DCAF10: variants seen among roughly 807,000 people sequenced by gnomAD.
The protein encoded by DCAF10 is DDB1 and CUL4 associated factor 10.
DCAF10 carries 19 observed loss-of-function variants against 51.9 expected under a neutral mutation model. That is an observed-to-expected ratio of 0.37 (90% CI 0.26 to 0.54). The LOEUF is 0.54. DCAF10 is among the 20% of genes least tolerant of loss of function. The probability of loss-of-function intolerance (pLI) is 0.87; values close to 1 mark genes in which losing one functional copy is unlikely to be tolerated. For missense variants in DCAF10, 510 were observed against 730.6 expected (o/e 0.70, Z 3.48); for synonymous variants, 291 against 297.1 (o/e 0.98, Z 0.21).
chr9:37,859,546 T>A (rs1264441462), intron 5 of DCAF10, among the ~76,000 whole-genome samples: 2 of 152,168 alleles, frequency 1.3e-5, no homozygotes, highest in African/African-American at 4.8e-5. Flanking sequence ...TTATTTTTTG[T>A]TTATAGTGTT....
rs1026402183 is a variant in DCAF10 at position 37,809,666 on chromosome 9, C to G, written c.539+8261C>G. Among the ~76,000 whole-genome samples the G allele has an allele frequency of 4.1e-5, 6 of 147,448 alleles. No individual in the cohort carries two copies. In the Admixed American group the frequency reaches 4.1e-4, roughly 10 times the overall value. Reference sequence around the variant, plus strand: ...CTGGCTAACAGGCGAAGCCCTGACTCTACTCAAAATAAAAAAATTAGCCAG... The same window carrying G: ...CTGGCTAACAGGCGAAGCCCTGACTGTACTCAAAATAAAAAAATTAGCCAG... On this transcript the variant is annotated intron_variant, in intron 1 of 6. Coordinates refer to ENST00000377724, the MANE Select transcript of DCAF10 (RefSeq NM_024345.5).
rs1828895114 is a variant in DCAF10, at chr9:37,800,824, C to T, written c.-43C>T. ...CTGAACAGGGGCACTGAGGTGTCGG[C>T]CGGCGGGGCAGTGGCCCGGAGCGGG... is the stretch of plus-strand genomic sequence containing the variant. On this transcript the variant is annotated 5_prime_UTR_variant, in exon 1 of 7. Coordinates refer to ENST00000377724, the MANE Select transcript of DCAF10 (RefSeq NM_024345.5). 1 of 1,490,714 alleles carries T rather than the reference C, an allele frequency of 6.7e-7. No individual in the cohort carries two copies. Among genetic ancestry groups the T allele is most frequent in the Non-Finnish European group, 8.9e-7 (1 of 1,126,164 alleles). The allele number at this position is 1,490,714 out of a possible 1,614,324, so 92.3% of individuals were successfully genotyped here.
intron 3 of DCAF10, among the ~76,000 whole-genome samples, chr9:37,845,847 A>T (rs1056337074): frequency 1.3e-5 from 2 of 152,222 alleles, no homozygotes; most frequent in Admixed American, 6.5e-5. Flanking sequence ...CCTCTGCCAC[A>T]GCCATTAAAG....
chr9:37,830,044 T>C lies in DCAF10; in HGVS notation c.653+10643T>C, dbSNP rs563780930. Among the ~76,000 whole-genome samples, 188 of 152,214 alleles carry C rather than the reference T, an allele frequency of 1.2e-3. 1 individual carries two copies. Among genetic ancestry groups the C allele is most frequent in the Middle Eastern group, 3.4e-3 (1 of 294 alleles). ...AAGAAGAAAGAAATTAATGCATATG[T>C]GGACACGGAGGTATATGAAGAAGAT... On this transcript the variant is annotated intron_variant, in intron 2 of 6. Coordinates refer to ENST00000377724, the MANE Select transcript of DCAF10 (RefSeq NM_024345.5).
intron 2 of DCAF10, among the ~76,000 whole-genome samples, chr9:37,839,386 A>T (rs1830268374): frequency 6.6e-6 from 1 of 151,952 alleles, no homozygotes; most frequent in Non-Finnish European, 1.5e-5. Context: ...AAATATTTTC[A>T]GTAGAAATGT....
intron 3 of DCAF10, among the ~76,000 whole-genome samples, chr9:37,852,930 T>TTTTA (rs1486538659): frequency 1.1e-4 from 12 of 109,818 alleles, no homozygotes; most frequent in Non-Finnish European, 1.6e-4. Flanking sequence ...GTATGTGAGG[T>TTTTA]TATATATATA....
chr9:37,837,331 TGCCTGTAA>T (rs1830195623), intron 2 of DCAF10, among the ~76,000 whole-genome samples: 1 of 151,698 alleles, frequency 6.6e-6, no homozygotes, highest in East Asian at 1.9e-4. Context: ...TGGTGGCACG[TGCCTGTAA>T]TCCCAGCTAC....
At chr9:37,814,301 C>CTTT (rs61692599) in intron 1 of DCAF10, among the ~76,000 whole-genome samples, 55 of 101,022 alleles carry the variant, frequency 5.4e-4, no homozygotes, top group Non-Finnish European at 8.3e-4. Flanking sequence ...ACCACGCCGG[C>CTTT]TTTTTTTTTT....
intron 3 of DCAF10, among the ~76,000 whole-genome samples, chr9:37,854,362 T>C (rs1379323015): frequency 6.6e-6 from 1 of 152,086 alleles, no homozygotes; most frequent in Non-Finnish European, 1.5e-5. Flanking sequence ...CCTGCCTTGG[T>C]CTCTCAAAGT....
intron 3 of DCAF10, among the ~76,000 whole-genome samples, chr9:37,849,440 A>C (rs941105777): frequency 6.6e-6 from 1 of 152,176 alleles, no homozygotes; most frequent in African/African-American, 2.4e-5. Context: ...GTGTTTATAC[A>C]AACTTTCTTT....
rs778395372 is a variant in DCAF10, at chr9:37,860,109, C to T, written c.1227C>T (p.His409=). 36 of 1,613,986 alleles carry T rather than the reference C, an allele frequency of 2.2e-5. 1 individual carries two copies. Among genetic ancestry groups the T allele is most frequent in the South Asian group, 1.1e-4 (10 of 91,088 alleles). The change falls in exon 6 of 7, where the codon CAC becomes CAT. Residue 409 remains histidine, a synonymous_variant. Transcript: ENST00000377724. The part of the protein sequence containing the change: ...VTPEVLGESD[H]GNCITSLQLH... The stretch of plus-strand genomic sequence containing the variant: ...CTGAAGTTCTTGGTGAGAGTGACCA[C>T]GGAAACTGCATCACGTCCTTACAGC...
chr9:37,810,045 A>G (rs1056652456), intron 1 of DCAF10, among the ~76,000 whole-genome samples: 3 of 150,010 alleles, frequency 2.0e-5, no homozygotes, highest in Middle Eastern at 7.2e-3. Context: ...CCAGCCACTC[A>G]GGAGGCTGAG....
At chr9:37,824,584 G>A (rs1022908837) in intron 2 of DCAF10, among the ~76,000 whole-genome samples, 27 of 151,496 alleles carry the variant, frequency 1.8e-4, no homozygotes, top group African/African-American at 5.3e-4. Flanking sequence ...GAAGAAAAGG[G>A]ATGATAAATA....
intron 6 of DCAF10, 112 bp downstream of exon 6, chr9:37,860,305 C>T: frequency 7.3e-7 from 1 of 1,364,510 alleles, no homozygotes; most frequent in African/African-American, 1.4e-5. Flanking sequence ...CAAGGGCATA[C>T]TGCTAGAGAT....
At chr9:37,806,801 A>G (rs1382403141) in intron 1 of DCAF10, among the ~76,000 whole-genome samples, 2 of 152,196 alleles carry the variant, frequency 1.3e-5, no homozygotes, top group Non-Finnish European at 2.9e-5. Context: ...ATACCTGCCT[A>G]CAGTAGGCAT....
At chr9:37,805,210 G>A (rs1354381932) in intron 1 of DCAF10, among the ~76,000 whole-genome samples, 1 of 152,172 alleles carries the variant, frequency 6.6e-6, no homozygotes, top group East Asian at 1.9e-4. Flanking sequence ...GGCCGGGTGT[G>A]GTGGTTTATG....
chr9:37,802,251 C>T (rs1002832765), intron 1 of DCAF10, among the ~76,000 whole-genome samples: 15 of 152,136 alleles, frequency 9.9e-5, no homozygotes, highest in Non-Finnish European at 2.2e-4. Context: ...TGAGCAAAAC[C>T]AGCTAATGGC....
intron 1 of DCAF10, among the ~76,000 whole-genome samples, chr9:37,816,659 G>GGGGGGGGGTGTGTGTGTGTGTGTGTGTGT (rs372664140): frequency 2.8e-5 from 4 of 144,982 alleles, no homozygotes; most frequent in Admixed American, 2.1e-4. Context: ...CTGCACCTGG[G>GGGGGGGGGTGTGTGTGTGTGTGTGTGTGT]GTGTGTGTGT....
At chr9:37,841,658 G>A (rs1830341088) in intron 2 of DCAF10, among the ~76,000 whole-genome samples, 2 of 152,144 alleles carry the variant, frequency 1.3e-5, no homozygotes, top group Non-Finnish European at 2.9e-5. Context: ...TTGTAGCAGA[G>A]CAAATATTTC....
Sources: gnomAD v4.1 joint callset for allele counts (sites outside exome capture counted in the v4.1 genomes callset) on GRCh38, gnomAD v4.1.1 for gene constraint, MANE v1.5 for transcripts, NCBI Gene and HGNC (gene_info 2026-07-23, HGNC 2026-07-21) for gene names.